The following ZNF521 variants were observed in gnomAD, a reference collection of about 807,000 sequenced individuals.
ZNF521 encodes zinc finger protein 521.
A neutral mutation model predicts 105.5 loss-of-function variants in ZNF521; 14 were observed. The observed-to-expected ratio is 0.13, with a 90% CI of 0.09 to 0.21. The LOEUF (loss-of-function observed/expected upper bound fraction) is 0.21, where lower values mean the gene tolerates loss of function less well. Ranked by LOEUF, ZNF521 falls within the 10% of genes least tolerant of loss-of-function variation. ZNF521 has a pLI of 1.00. For synonymous variants in ZNF521, 635 were observed against 606.0 expected (o/e 1.05, Z -0.70); for missense variants, 1,233 against 1,629.7 (o/e 0.76, Z 4.19).
chr18:25,252,436 C>T (rs1908183413), intron 3 of ZNF521, among the ~76,000 whole-genome samples: 1 of 152,042 alleles, frequency 6.6e-6, no homozygotes, highest in African/African-American at 2.4e-5. Flanking sequence ...ATTTATGATT[C>T]AGGTTCTGAT....
chr18:25,286,076 A>G (rs1415389519), intron 3 of ZNF521, among the ~76,000 whole-genome samples: 4 of 152,226 alleles, frequency 2.6e-5, no homozygotes, highest in Non-Finnish European at 5.9e-5. Flanking sequence ...TAATGTATTC[A>G]TGGTGCTGGC....
intron 5 of ZNF521, among the ~76,000 whole-genome samples, chr18:25,109,845 A>G (rs2034149719): frequency 6.6e-6 from 1 of 152,136 alleles, no homozygotes; most frequent in South Asian, 2.1e-4. Flanking sequence ...GAATCTGGAT[A>G]TCAGTCCTCT....
intron 5 of ZNF521, among the ~76,000 whole-genome samples, chr18:25,138,370 A>G: frequency 6.6e-6 from 1 of 152,152 alleles, no homozygotes; most frequent in East Asian, 1.9e-4. Flanking sequence ...TAATATTCTA[A>G]TTTTTATAGG....
chr18:25,186,063 G>A (rs973336907), intron 5 of ZNF521, among the ~76,000 whole-genome samples: 2 of 152,246 alleles, frequency 1.3e-5, no homozygotes, highest in African/African-American at 4.8e-5. Flanking sequence ...AAGAGAGAAC[G>A]ACTGATTTTT....
rs549265376 is a variant in ZNF521, at chr18:25,290,313, C to T, written c.220+31695G>A. ...AAAGACAAATTTTATACTTTACTCCCCAAAATTGATCTAAGGGTTAATATC... is the reference window on the plus strand; with the variant it reads ...AAAGACAAATTTTATACTTTACTCCTCAAAATTGATCTAAGGGTTAATATC... On this transcript the variant is annotated intron_variant, in intron 3 of 7. Transcript: ENST00000361524. Among the ~76,000 whole-genome samples, 13 of 152,234 alleles carry T rather than the reference C, an allele frequency of 8.5e-5. No homozygotes were observed. In the South Asian group the frequency reaches 2.7e-3, roughly 32 times the overall value.
At chr18:25,082,296 C>T (rs1390189805) in intron 7 of ZNF521, among the ~76,000 whole-genome samples, 2 of 152,138 alleles carry the variant, frequency 1.3e-5, no homozygotes, top group African/African-American at 4.8e-5. Flanking sequence ...AAGAGATACA[C>T]AGGGGCACAG....
chr18:25,296,299 C>T (rs981470526), intron 3 of ZNF521, among the ~76,000 whole-genome samples: 2 of 152,088 alleles, frequency 1.3e-5, no homozygotes, highest in Non-Finnish European at 2.9e-5. Context: ...CATCTGCCAC[C>T]ACTCTCTGCA....
chr18:25,294,118 A>G (rs1911187992), intron 3 of ZNF521, among the ~76,000 whole-genome samples: 2 of 152,344 alleles, frequency 1.3e-5, no homozygotes, highest in South Asian at 4.1e-4. Context: ...ATTACTGGAT[A>G]ATACTCTGCA....
At chr18:25,257,794 G>C (rs1908622869) in intron 3 of ZNF521, among the ~76,000 whole-genome samples, 1 of 152,120 alleles carries the variant, frequency 6.6e-6, no homozygotes, top group African/African-American at 2.4e-5. Context: ...ACAAAGGAAG[G>C]GTTGTGGCTT....
chr18:25,193,120 G>A (rs1203509919), intron 5 of ZNF521, among the ~76,000 whole-genome samples: 1 of 151,928 alleles, frequency 6.6e-6, no homozygotes, highest in Non-Finnish European at 1.5e-5. Flanking sequence ...TAAGGTAGAA[G>A]GGAAAAAGCC....
intron 4 of ZNF521, among the ~76,000 whole-genome samples, chr18:25,222,062 A>G (rs2144719912): frequency 6.6e-6 from 1 of 152,268 alleles, no homozygotes; most frequent in East Asian, 1.9e-4. Flanking sequence ...ACTAAGAAAT[A>G]TTTGAAACTA....
chr18:25,294,853 CAAAAAAAAAAAAAA>C (rs34529787), intron 3 of ZNF521, among the ~76,000 whole-genome samples: 153 of 59,538 alleles, frequency 2.6e-3, no homozygotes, highest in Middle Eastern at 0.022. Flanking sequence ...GATTCTGTCT[CAAAAAAAAAAAAAA>C]AAAAAAAAAA....
chr18:25,324,045 TATTA>T (rs1243670819), intron 2 of ZNF521, among the ~76,000 whole-genome samples: 2 of 152,180 alleles, frequency 1.3e-5, no homozygotes, highest in African/African-American at 2.4e-5. Context: ...TCTGGAAAAT[TATTA>T]TCTCAACATT....
intron 5 of ZNF521, among the ~76,000 whole-genome samples, chr18:25,119,631 G>A (rs529468412): frequency 2.0e-4 from 31 of 151,900 alleles, no homozygotes; most frequent in Non-Finnish European, 3.4e-4. Flanking sequence ...TGAAAGGAAA[G>A]ATACTGAAAA....
chr18:25,312,220 C>T (rs921689003), intron 3 of ZNF521, among the ~76,000 whole-genome samples: 1 of 152,236 alleles, frequency 6.6e-6, no homozygotes, highest in East Asian at 1.9e-4. Flanking sequence ...ATCACTTATA[C>T]TGGGAAAACA....
intron 5 of ZNF521, among the ~76,000 whole-genome samples, chr18:25,179,091 GACT>G (rs55824521): frequency 3.6e-5 from 3 of 83,428 alleles, no homozygotes; most frequent in Non-Finnish European, 5.4e-5. Flanking sequence ...TATTTCTTAT[GACT>G]TATACTTCTT....
intron 2 of ZNF521, among the ~76,000 whole-genome samples, chr18:25,329,420 TA>T (rs1248562903): frequency 6.6e-6 from 1 of 152,200 alleles, no homozygotes; most frequent in African/African-American, 2.4e-5. Flanking sequence ...GAGGGGCATC[TA>T]AATCGGGGCA....
chr18:25,206,948 T>C (rs1444854719), intron 4 of ZNF521, among the ~76,000 whole-genome samples: 1 of 152,186 alleles, frequency 6.6e-6, no homozygotes. Flanking sequence ...TTCTAGAACA[T>C]GCTGTGCAAT....
chr18:25,158,466 A>T (rs937524195), intron 5 of ZNF521, among the ~76,000 whole-genome samples: 1 of 152,138 alleles, frequency 6.6e-6, no homozygotes, highest in African/African-American at 2.4e-5. Context: ...AATACAGATT[A>T]TTCAAAGGAA....
Sources: gnomAD v4.1 joint callset for allele counts (sites outside exome capture counted in the v4.1 genomes callset) on GRCh38, gnomAD v4.1.1 for gene constraint, MANE v1.5 for transcripts, NCBI Gene and HGNC (gene_info 2026-07-23, HGNC 2026-07-21) for gene names.